NRXN3: variants seen among roughly 807,000 people sequenced by gnomAD.
The protein encoded by NRXN3 is neurexin III.
Under a neutral mutation model 137.6 loss-of-function variants are expected in NRXN3, and 32 were observed. The observed-to-expected ratio is 0.23, with a 90% confidence interval of 0.18 to 0.31. The LOEUF (loss-of-function observed/expected upper bound fraction) is 0.31, where lower values mean the gene tolerates loss of function less well. Ranked by LOEUF, NRXN3 falls within the 10% of genes least tolerant of loss-of-function variation. The probability of loss-of-function intolerance (pLI) is 1.00; values close to 1 mark genes in which losing one functional copy is unlikely to be tolerated. For missense variants in NRXN3, 1,574 were observed against 2,062.5 expected (o/e 0.76, Z 4.59); for synonymous variants, 798 against 784.5 (o/e 1.02, Z -0.29).
intron 15 of NRXN3, among the ~76,000 whole-genome samples, chr14:79,075,481 T>C (rs2045814379): frequency 6.6e-6 from 1 of 152,178 alleles, no homozygotes; most frequent in Non-Finnish European, 1.5e-5. Context: ...TTCAGAAGAA[T>C]GTGGATAGGA....
chr14:79,557,130 T>C (rs1308009083), intron 16 of NRXN3, among the ~76,000 whole-genome samples: 1 of 152,072 alleles, frequency 6.6e-6, no homozygotes, highest in Non-Finnish European at 1.5e-5. Context: ...ATAAAAGCAA[T>C]GATTACTGTA....
At chr14:79,251,084 G>A (rs1193518099) in intron 15 of NRXN3, among the ~76,000 whole-genome samples, 3 of 152,190 alleles carry the variant, frequency 2.0e-5, no homozygotes, top group African/African-American at 7.2e-5. Context: ...GGGCTAGTTT[G>A]TAGAGGATTT....
intron 15 of NRXN3, among the ~76,000 whole-genome samples, chr14:79,381,052 C>T (rs1041014367): frequency 1.3e-5 from 2 of 152,038 alleles, no homozygotes; most frequent in African/African-American, 4.8e-5. Context: ...GGTGCTGCTA[C>T]TGGACTCTTG....
At chr14:78,722,207 G>T (rs1040745275) in intron 8 of NRXN3, among the ~76,000 whole-genome samples, 1 of 152,120 alleles carries the variant, frequency 6.6e-6, no homozygotes, top group East Asian at 1.9e-4. Context: ...ATCGACACCT[G>T]CATTCAACCT....
intron 4 of NRXN3, among the ~76,000 whole-genome samples, chr14:78,497,358 C>A (rs965792477): frequency 6.6e-6 from 1 of 152,098 alleles, no homozygotes; most frequent in East Asian, 1.9e-4. Context: ...ACTTATAAAT[C>A]TGCCTTGCCA....
chr14:79,256,140 C>G (rs982735106), intron 15 of NRXN3, among the ~76,000 whole-genome samples: 1 of 151,788 alleles, frequency 6.6e-6, no homozygotes, highest in Non-Finnish European at 1.5e-5. Context: ...TTCTCTCTCT[C>G]TCTGTCTGTC....
chr14:78,189,588 T>C (rs1210820233), intron 1 of NRXN3, among the ~76,000 whole-genome samples: 1 of 152,126 alleles, frequency 6.6e-6, no homozygotes, highest in Non-Finnish European at 1.5e-5. Flanking sequence ...CCGGGCCATT[T>C]TTTTTTTTCC....
intron 19 of NRXN3, among the ~76,000 whole-genome samples, chr14:79,768,255 C>T (rs1410588770): frequency 3.3e-5 from 5 of 152,244 alleles, no homozygotes; most frequent in Admixed American, 6.5e-5. Flanking sequence ...GAAGCTCCAA[C>T]TGGGTGGAGC....
At chr14:78,783,509 A>G (rs2098777394) in intron 8 of NRXN3, among the ~76,000 whole-genome samples, 1 of 152,146 alleles carries the variant, frequency 6.6e-6, no homozygotes, top group Admixed American at 6.5e-5. Flanking sequence ...AAATTTGAAT[A>G]AGGCCTGAAG....
Position 78,523,533 on chromosome 14 carries a change from C to T in NRXN3, c.758-121587C>T, listed in dbSNP as rs1225050470. 4.6e-5 allele frequency among the ~76,000 whole-genome samples: 7 copies of T among 151,556 alleles called. No individual in the cohort carries two copies. The East Asian group carries it at 9.7e-4, about 21-fold the overall frequency. ...AGAGAGTGTAGGCCGGGTGCGGTGG[C>T]TCACGCCTGTAATCCCAGCACTTTG... On this transcript the variant is annotated intron_variant, in intron 4 of 20. Coordinates refer to ENST00000335750, the MANE Select transcript of NRXN3 (RefSeq NM_001330195.2).
At chr14:79,363,473 C>A (rs561887914) in intron 15 of NRXN3, among the ~76,000 whole-genome samples, 1 of 152,050 alleles carries the variant, frequency 6.6e-6, no homozygotes, top group African/African-American at 2.4e-5. Context: ...CATGGAGTGG[C>A]AGAAGACCAG....
At chr14:78,514,452 A>C (rs965843354) in intron 4 of NRXN3, among the ~76,000 whole-genome samples, 2 of 152,118 alleles carry the variant, frequency 1.3e-5, no homozygotes, top group African/African-American at 4.8e-5. Context: ...GCAGATGAGT[A>C]CATGAAGGTA....
At chr14:79,744,751 T>G (rs981918289) in intron 19 of NRXN3, among the ~76,000 whole-genome samples, 1 of 152,052 alleles carries the variant, frequency 6.6e-6, no homozygotes, top group African/African-American at 2.4e-5. Flanking sequence ...TCCTAATTCC[T>G]GAGTTCTAAC....
chr14:79,780,156 T>TG (rs1189464036), intron 19 of NRXN3, among the ~76,000 whole-genome samples: 1 of 151,942 alleles, frequency 6.6e-6, no homozygotes. Flanking sequence ...CTCTGGCCTT[T>TG]GGGGAAAAAA....
chr14:79,718,710 G>C (rs1191159766), intron 19 of NRXN3, among the ~76,000 whole-genome samples: 1 of 152,114 alleles, frequency 6.6e-6, no homozygotes, highest in Non-Finnish European at 1.5e-5. Context: ...ATATCTTGCT[G>C]ATTAACCATA....
intron 16 of NRXN3, among the ~76,000 whole-genome samples, chr14:79,605,890 T>A (rs2098006909): frequency 6.6e-6 from 1 of 152,144 alleles, no homozygotes; most frequent in Non-Finnish European, 1.5e-5. Context: ...CAAATGGCCT[T>A]TTGTTACCTG....
intron 10 of NRXN3, among the ~76,000 whole-genome samples, chr14:78,817,399 A>G (rs1012197667): frequency 6.6e-6 from 1 of 152,250 alleles, no homozygotes; most frequent in Non-Finnish European, 1.5e-5. Context: ...CATCAAAGGA[A>G]GAAGCAGAGG....
intron 6 of NRXN3, among the ~76,000 whole-genome samples, chr14:78,702,297 A>T (rs1038184437): frequency 4.5e-5 from 2 of 44,168 alleles, no homozygotes; most frequent in African/African-American, 6.9e-5. Flanking sequence ...TATGAAGTTC[A>T]TAAATAAATA....
chr14:79,017,216 G>A (rs775684262), intron 15 of NRXN3, among the ~76,000 whole-genome samples: 18 of 89,848 alleles, frequency 2.0e-4, no homozygotes, highest in Admixed American at 1.8e-3. Flanking sequence ...TGTGCAGATC[G>A]CCCCACGGAT....
Sources: allele counts gnomAD v4.1 joint callset (sites outside exome capture counted in the v4.1 genomes callset), GRCh38; gene constraint gnomAD v4.1.1; transcripts MANE v1.5; gene names NCBI Gene and HGNC (gene_info 2026-07-23, HGNC 2026-07-21).